AGL: variants seen among roughly 807,000 people sequenced by gnomAD.
AGL encodes amylo-alpha-1,6-glucosidase and 4-alpha-glucanotransferase, also known as glycogen debranching enzyme.
AGL carries 128 observed loss-of-function variants against 199.3 expected under a neutral mutation model. The observed-to-expected ratio is 0.64, with a 90% CI of 0.56 to 0.74. The LOEUF (loss-of-function observed/expected upper bound fraction) is 0.74, where lower values mean the gene tolerates loss of function less well. AGL is among the 30% of genes least tolerant of loss of function. The pLI is 0.00. For missense variants in AGL, 1,809 were observed against 1,820.8 expected, an observed-to-expected ratio of 0.99 and a Z score of 0.12; for synonymous variants, 584 against 594.7, an observed-to-expected ratio of 0.98 and a Z score of 0.26.
intron 7 of AGL, among the ~76,000 whole-genome samples, chr1:99,871,422 C>G (rs373034163): frequency 1.8e-5 from 2 of 112,742 alleles, no homozygotes; most frequent in African/African-American, 6.7e-5. Context: ...CCCCCCCCCC[C>G]CAACAAAATA....
intron 26 of AGL, among the ~76,000 whole-genome samples, chr1:99,902,001 T>C (rs1653877979): frequency 6.6e-6 from 1 of 152,032 alleles, no homozygotes; most frequent in Admixed American, 6.5e-5. Flanking sequence ...TTCACAGCAT[T>C]ATAATTTTTA....
chr1:99,852,811 T>G, intron 2 of AGL: 1 of 752,368 alleles, frequency 1.3e-6, no homozygotes, highest in South Asian at 1.4e-5. Context: ...ATATAAGGCA[T>G]TGATATGAAT....
chr1:99,900,922 A>G (rs1315051561), intron 26 of AGL, 61 bp downstream of exon 26: 1 of 1,371,274 alleles, frequency 7.3e-7, no homozygotes. Flanking sequence ...AATGACTTTT[A>G]GTTTCTAATG....
chr1:99,867,991 G>A (rs1315771819), intron 5 of AGL, among the ~76,000 whole-genome samples: 1 of 152,176 alleles, frequency 6.6e-6, no homozygotes, highest in East Asian at 1.9e-4. Flanking sequence ...GACTCTTGCT[G>A]TTCTTATCTT....
chr1:99,900,585 A>AT, intron 25 of AGL, 51 bp from the exon 26 acceptor site: 1 of 1,552,102 alleles, frequency 6.4e-7, no homozygotes, highest in Non-Finnish European at 8.9e-7. Flanking sequence ...TTTGTCTTCA[A>AT]TTTTTAAGTG....
intron 5 of AGL, among the ~76,000 whole-genome samples, chr1:99,866,544 T>G (rs1650527254): frequency 6.6e-6 from 1 of 152,234 alleles, no homozygotes; most frequent in Non-Finnish European, 1.5e-5. Flanking sequence ...GGAATTTGTC[T>G]CTTGCCATAC....
intron 17 of AGL, among the ~76,000 whole-genome samples, chr1:99,882,912 A>G (rs1312320570): frequency 6.6e-6 from 1 of 152,148 alleles, no homozygotes; most frequent in African/African-American, 2.4e-5. Context: ...AGTTTCTTTA[A>G]TTGTTCACAA....
intron 21 of AGL, among the ~76,000 whole-genome samples, chr1:99,888,741 C>T (rs946139043): frequency 6.6e-6 from 1 of 152,108 alleles, no homozygotes; most frequent in Non-Finnish European, 1.5e-5. Context: ...TTTGCTTTAT[C>T]ACACCTGTAT....
chr1:99,882,860 C>T (rs889337766), intron 17 of AGL, among the ~76,000 whole-genome samples: 1 of 152,090 alleles, frequency 6.6e-6, no homozygotes, highest in Non-Finnish European at 1.5e-5. Flanking sequence ...GCTGAATATG[C>T]ATAGTTCCGG....
At chr1:99,853,369 G>T (rs1406630339) in intron 2 of AGL, among the ~76,000 whole-genome samples, 1 of 152,168 alleles carries the variant, frequency 6.6e-6, no homozygotes, top group Non-Finnish European at 1.5e-5. Context: ...ACTCCCATCA[G>T]ATTCCTTTAT....
chr1:99,857,619 G>A lies in AGL; in HGVS notation c.83-3884G>A, dbSNP rs1372613851. On this transcript the variant is annotated intron_variant, in intron 2 of 33. Coordinates refer to ENST00000361915, the MANE Select transcript of AGL (RefSeq NM_000642.3). Reference sequence around the variant, plus strand: ...GCGGTTAGGAGCTGGAGACCAGCCCGGCCAACACAGCGAAACCCCGTCTCC... The same window carrying A: ...GCGGTTAGGAGCTGGAGACCAGCCCAGCCAACACAGCGAAACCCCGTCTCC... 4.0e-5 allele frequency among the ~76,000 whole-genome samples: 6 copies of A among 151,538 alleles called. No individual in the cohort carries two copies. The East Asian group carries it at 5.8e-4, about 15-fold the overall frequency.
At chr1:99,901,422 G>A (rs1168852903) in intron 26 of AGL, among the ~76,000 whole-genome samples, 1 of 150,236 alleles carries the variant, frequency 6.7e-6, no homozygotes, top group Non-Finnish European at 1.5e-5. Context: ...AGGAATAATA[G>A]GGTTGCATAG....
chr1:99,907,942 A>G (rs375106958), intron 27 of AGL, among the ~76,000 whole-genome samples: 50 of 152,026 alleles, frequency 3.3e-4, no homozygotes, highest in African/African-American at 1.1e-3. Flanking sequence ...TATGGTTTGC[A>G]AATATTTTCT....
intron 2 of AGL, among the ~76,000 whole-genome samples, chr1:99,858,972 A>G (rs181304383): frequency 1.5e-4 from 23 of 152,184 alleles, no homozygotes; most frequent in African/African-American, 5.5e-4. Flanking sequence ...TTTTTCCTGA[A>G]GGTAGAGCAC....
chr1:99,883,634 G>A (rs1652222825), intron 17 of AGL, among the ~76,000 whole-genome samples: 1 of 152,090 alleles, frequency 6.6e-6, no homozygotes, highest in African/African-American at 2.4e-5. Context: ...AATATATGTT[G>A]TTTAAGGAAA....
At chr1:99,884,842 G>C in intron 20 of AGL, 139 bp downstream of exon 20, 1 of 1,006,924 alleles carries the variant, frequency 9.9e-7, no homozygotes, top group Non-Finnish European at 1.5e-6. Flanking sequence ...AGCATCACCT[G>C]TTGTTAACAT....
At chr1:99,913,465 G>A (rs1654896147) in intron 29 of AGL, 62 bp from the exon 30 acceptor site, 1 of 1,307,122 alleles carries the variant, frequency 7.7e-7, no homozygotes, top group African/African-American at 1.5e-5. Context: ...CTATTTGTCT[G>A]TAACTAGATG....
chr1:99,884,290 C>T, intron 18 of AGL, 46 bp downstream of exon 18: 2 of 1,602,064 alleles, frequency 1.2e-6, no homozygotes, highest in Non-Finnish European at 1.7e-6. Context: ...ATTTTAAGAA[C>T]ATTAGAACTA....
intron 2 of AGL, 100 bp from the exon 3 acceptor site, chr1:99,861,403 G>A (rs865944341): frequency 2.0e-5 from 31 of 1,567,010 alleles, no homozygotes; most frequent in Middle Eastern, 2.0e-4. Context: ...AAACATAATT[G>A]AAAAATCAAG....
Sources: allele counts gnomAD v4.1 joint callset (sites outside exome capture counted in the v4.1 genomes callset), GRCh38; gene constraint gnomAD v4.1.1; transcripts MANE v1.5; gene names NCBI Gene and HGNC (gene_info 2026-07-23, HGNC 2026-07-21).